The following KIAA0319 variants were observed in gnomAD, a reference collection of about 807,000 sequenced individuals.
KIAA0319 encodes dyslexia-associated protein KIAA0319.
KIAA0319 carries 83 observed loss-of-function variants against 108.4 expected under a neutral mutation model. The observed-to-expected ratio is 0.77, with a 90% CI of 0.64 to 0.92. KIAA0319 has a LOEUF of 0.92. KIAA0319 is among the 40% of genes least tolerant of loss of function. The pLI, the probability that KIAA0319 is intolerant of heterozygous loss-of-function variation, is 0.00. For missense variants in KIAA0319, 1,195 were observed against 1,322.4 expected, an observed-to-expected ratio of 0.90 and a Z score of 1.49; for synonymous variants, 484 against 510.4, an observed-to-expected ratio of 0.95 and a Z score of 0.70.
At chr6:24,569,654 C>T (rs1323070200) in intron 12 of KIAA0319, among the ~76,000 whole-genome samples, 1 of 152,184 alleles carries the variant, frequency 6.6e-6, no homozygotes, top group East Asian at 1.9e-4. Flanking sequence ...CCTCTTCTGT[C>T]ATGAGCTCGC....
At chr6:24,577,320 G>A (rs1335249451) in intron 9 of KIAA0319, among the ~76,000 whole-genome samples, 3 of 152,182 alleles carry the variant, frequency 2.0e-5, no homozygotes, top group Non-Finnish European at 4.4e-5. Flanking sequence ...CAGCTACAAA[G>A]CTTTTTACTT....
In KIAA0319 at chr6:24,572,597, C is replaced by A; in HGVS notation, c.1836G>T (p.Val612=). The change falls in exon 11 of 21, where the codon GTG becomes GTT. Residue 612 remains valine, a synonymous_variant. Coordinates refer to ENST00000378214, the MANE Select transcript of KIAA0319 (RefSeq NM_014809.4). ...TACCAGGCTGGACAATCACAGTCACCACAGCAGTAGACTGTTGCCTTGAAG... is the reference window on the plus strand; with the variant it reads ...TACCAGGCTGGACAATCACAGTCACAACAGCAGTAGACTGTTGCCTTGAAG... ...TDSSRQQSTA[V]VTVIVQPENN... is the part of the protein sequence containing the mutation. 1 of 1,613,816 alleles carries A rather than the reference C, an allele frequency of 6.2e-7. No individual in the cohort carries two copies. Among genetic ancestry groups the A allele is most frequent in the Non-Finnish European group, 8.5e-7 (1 of 1,179,918 alleles).
intron 1 of KIAA0319, among the ~76,000 whole-genome samples, chr6:24,619,045 G>A (rs2127566679): frequency 6.6e-6 from 1 of 152,300 alleles, no homozygotes; most frequent in Admixed American, 6.5e-5. Flanking sequence ...AAACACAAAG[G>A]CTTGAGGCGG....
chr6:24,579,972 T>A (rs2080903637), intron 7 of KIAA0319, 22 bp from the exon 8 acceptor site: 3 of 1,549,524 alleles, frequency 1.9e-6, no homozygotes, highest in Non-Finnish European at 2.6e-6. Flanking sequence ...AAAAGGACAG[T>A]GACTGAGCCC....
At chr6:24,549,871 T>TG in intron 20 of KIAA0319, among the ~76,000 whole-genome samples, 1 of 150,994 alleles carries the variant, frequency 6.6e-6, no homozygotes. Context: ...GTGTCTGGAG[T>TG]GGGGGGCGGT....
intron 3 of KIAA0319, 47 bp from the exon 4 acceptor site, chr6:24,588,832 T>G (rs897045071): frequency 3.4e-6 from 5 of 1,459,036 alleles, no homozygotes; most frequent in African/African-American, 1.4e-5. Flanking sequence ...AAAAAAACAG[T>G]CCAACTCTTC....
intron 16 of KIAA0319, among the ~76,000 whole-genome samples, chr6:24,560,828 TC>T (rs1346300625): frequency 3.3e-5 from 5 of 152,290 alleles, no homozygotes; most frequent in African/African-American, 1.2e-4. Flanking sequence ...ACTAATTACA[TC>T]TGTAATGACC....
chr6:24,606,256 C>A (rs1170860185), intron 1 of KIAA0319, among the ~76,000 whole-genome samples: 1 of 151,946 alleles, frequency 6.6e-6, no homozygotes, highest in East Asian at 1.9e-4. Flanking sequence ...ATTTCTGACT[C>A]CTCATATTTC....
chr6:24,619,254 T>A (rs1186935316), intron 1 of KIAA0319, among the ~76,000 whole-genome samples: 1 of 152,056 alleles, frequency 6.6e-6, no homozygotes, highest in African/African-American at 2.4e-5. Flanking sequence ...AGTATAGCAA[T>A]CAAAGGCAGA....
chr6:24,562,134 C>A (rs1763192019), intron 16 of KIAA0319, among the ~76,000 whole-genome samples: 1 of 152,210 alleles, frequency 6.6e-6, no homozygotes, highest in African/African-American at 2.4e-5. Flanking sequence ...CTGCATCCAG[C>A]CCTTTTTATT....
At chr6:24,566,086 A>G (rs1763865100) in intron 14 of KIAA0319, among the ~76,000 whole-genome samples, 1 of 152,228 alleles carries the variant, frequency 6.6e-6, no homozygotes, top group African/African-American at 2.4e-5. Flanking sequence ...CCTTCAGAAC[A>G]TTCTAATGTA....
intron 16 of KIAA0319, 31 bp downstream of exon 16, chr6:24,563,328 C>T (rs1455962945): frequency 6.3e-7 from 1 of 1,593,554 alleles, no homozygotes; most frequent in Non-Finnish European, 8.6e-7. Context: ...TTTGTACGGC[C>T]AAGGCCCCGC....
At chr6:24,638,118 G>A (rs1174161266) in intron 1 of KIAA0319, among the ~76,000 whole-genome samples, 1 of 152,000 alleles carries the variant, frequency 6.6e-6, no homozygotes, top group African/African-American at 2.4e-5. Context: ...ACAGAAGCAA[G>A]AACTGAAAGT....
intron 1 of KIAA0319, among the ~76,000 whole-genome samples, chr6:24,602,423 T>G (rs1275502018): frequency 6.6e-6 from 1 of 152,260 alleles, no homozygotes; most frequent in Non-Finnish European, 1.5e-5. Flanking sequence ...TGGCATTGTT[T>G]ATGCATGCAC....
chr6:24,581,066 A>C lies in KIAA0319; in HGVS notation c.1192-53T>G. 6.0e-6 allele frequency: 7 copies of C among 1,158,182 alleles called. No individual in the cohort carries two copies. In the South Asian group the frequency reaches 7.4e-5, roughly 12 times the overall value. 71.7% of individuals were successfully genotyped at this position (1,158,182 alleles called of 1,614,324 possible). On this transcript the variant is annotated intron_variant, in intron 6 of 20. Coordinates refer to ENST00000378214, the MANE Select transcript of KIAA0319 (RefSeq NM_014809.4). ...TCAACATGCAAGACGTGATGGGTCC[A>C]CTACGTAGAAAAAGCTAAAATGTCC...
chr6:24,563,728 T>G (rs1420343048), intron 15 of KIAA0319, among the ~76,000 whole-genome samples: 1 of 152,230 alleles, frequency 6.6e-6, no homozygotes, highest in Non-Finnish European at 1.5e-5. Context: ...TTTATAATTT[T>G]TTTTCCAGAA....
intron 12 of KIAA0319, among the ~76,000 whole-genome samples, chr6:24,569,524 G>C (rs1429108691): frequency 2.0e-5 from 3 of 152,164 alleles, no homozygotes; most frequent in Non-Finnish European, 4.4e-5. Flanking sequence ...ATGAGACAGA[G>C]CATGTAAAGC....
At chr6:24,561,747 C>T (rs1234536814) in intron 16 of KIAA0319, among the ~76,000 whole-genome samples, 1 of 152,006 alleles carries the variant, frequency 6.6e-6, no homozygotes, top group East Asian at 1.9e-4. Flanking sequence ...GCTCTGTCAC[C>T]CAGGCTGAAG....
intron 17 of KIAA0319, among the ~76,000 whole-genome samples, chr6:24,558,260 C>T (rs1762576095): frequency 6.8e-6 from 1 of 146,134 alleles, no homozygotes; most frequent in East Asian, 2.0e-4. Flanking sequence ...AAGGCCATCT[C>T]TACTAAAAAT....
Sources: gnomAD v4.1 joint callset for allele counts (sites outside exome capture counted in the v4.1 genomes callset) on GRCh38, gnomAD v4.1.1 for gene constraint, MANE v1.5 for transcripts, NCBI Gene and HGNC (gene_info 2026-07-23, HGNC 2026-07-21) for gene names.